AGPAT5: variants seen among roughly 807,000 people sequenced by gnomAD.
AGPAT5 encodes 1-acyl-sn-glycerol-3-phosphate acyltransferase epsilon.
A neutral mutation model predicts 45.6 loss-of-function variants in AGPAT5; 46 were observed. That is an observed-to-expected ratio of 1.01 (90% CI 0.80 to 1.29). The LOEUF (loss-of-function observed/expected upper bound fraction) is 1.29. Among genes scored for constraint, AGPAT5 ranks in the 50% most tolerant of loss-of-function variants. The pLI is 0.00. For missense variants in AGPAT5, 673 were observed against 450.7 expected, an observed-to-expected ratio of 1.49 and a Z score of -4.47; for synonymous variants, 272 against 167.0, an observed-to-expected ratio of 1.63 and a Z score of -4.85.
intron 4 of AGPAT5, among the ~76,000 whole-genome samples, chr8:6,739,927 C>G (rs1801186804): frequency 6.6e-6 from 1 of 152,018 alleles, no homozygotes; most frequent in Non-Finnish European, 1.5e-5. Context: ...CTTCATCACA[C>G]CTTGTTCTTT....
chr8:6,754,533 G>C (rs1484087545), intron 6 of AGPAT5, among the ~76,000 whole-genome samples: 2 of 152,148 alleles, frequency 1.3e-5, no homozygotes, highest in Non-Finnish European at 2.9e-5. Flanking sequence ...TCAGGCGCCT[G>C]TGAGTGCCCA....
intron 5 of AGPAT5, among the ~76,000 whole-genome samples, chr8:6,747,147 T>C (rs190970452): frequency 3.2e-4 from 48 of 152,294 alleles, no homozygotes; most frequent in African/African-American, 1.2e-3. Flanking sequence ...AATTAATAGG[T>C]AAACAAAATG....
intron 1 of AGPAT5, among the ~76,000 whole-genome samples, chr8:6,711,606 T>C (rs1336495237): frequency 6.6e-6 from 1 of 152,242 alleles, no homozygotes; most frequent in Non-Finnish European, 1.5e-5. Context: ...TACTTTCCTG[T>C]GCTGCCAAAA....
At position 6,747,842 on chromosome 8, in the gene AGPAT5, C is replaced by A. The variant is rs773963046; in HGVS notation, c.745+14C>A. On this transcript the variant is annotated intron_variant, in intron 6 of 7. Transcript: ENST00000285518. ...CGACCATGACGGGTAAGTGTGTTCA[C>A]GCACCTGAAATGCCTGTACACGGTA... The A allele has an allele frequency of 1.2e-6, 2 of 1,613,132 alleles. No homozygotes were observed. Among genetic ancestry groups the A allele is most frequent in the Non-Finnish European group, 1.7e-6 (2 of 1,179,416 alleles).
intron 6 of AGPAT5, among the ~76,000 whole-genome samples, chr8:6,749,240 C>G (rs1225081165): frequency 1.3e-5 from 2 of 152,106 alleles, no homozygotes; most frequent in African/African-American, 4.8e-5. Flanking sequence ...GAGAGAGCAG[C>G]TGTCTACTGC....
intron 6 of AGPAT5, among the ~76,000 whole-genome samples, chr8:6,749,607 A>C (rs73508282): frequency 0.026 from 3,972 of 152,236 alleles, 175 homozygotes; most frequent in African/African-American, 0.091. Context: ...ATATCTTCTT[A>C]TTCTACCATC....
chr8:6,743,095 C>T (rs1393871216), intron 5 of AGPAT5, among the ~76,000 whole-genome samples: 2 of 152,322 alleles, frequency 1.3e-5, no homozygotes, highest in East Asian at 3.9e-4. Flanking sequence ...TCTCCCTAGA[C>T]TTCTGTGGGG....
intron 2 of AGPAT5, among the ~76,000 whole-genome samples, chr8:6,729,278 A>G (rs936061362): frequency 6.6e-6 from 1 of 151,990 alleles, no homozygotes. Flanking sequence ...AATCTGTGGA[A>G]AACTGTCCTC....
chr8:6,738,214 A>C (rs1028874705), intron 4 of AGPAT5, among the ~76,000 whole-genome samples: 4 of 152,120 alleles, frequency 2.6e-5, no homozygotes, highest in African/African-American at 9.7e-5. Context: ...ATTTCTAGCT[A>C]TTGATGTAAA....
At chr8:6,712,260 T>G (rs1286267942) in intron 1 of AGPAT5, among the ~76,000 whole-genome samples, 1 of 152,192 alleles carries the variant, frequency 6.6e-6, no homozygotes, top group Admixed American at 6.5e-5. Flanking sequence ...AGTAGAACAT[T>G]TGATTAACTG....
chr8:6,718,631 T>C (rs923872148), intron 1 of AGPAT5, among the ~76,000 whole-genome samples: 3 of 152,342 alleles, frequency 2.0e-5, no homozygotes, highest in South Asian at 2.1e-4. Flanking sequence ...GATGATTCCA[T>C]GGATAGCCCA....
rs936481534 is a variant in AGPAT5, at chr8:6,747,714, A to G, written c.631A>G (p.Thr211Ala). Residue 211 changes from threonine to alanine, a missense_variant, in exon 6 of 8, where the codon ACT (threonine) becomes GCT (alanine). By Grantham distance (58) the Thr-to-Ala change is moderately conservative (BLOSUM62 0). Transcript: ENST00000285518. Reference protein sequence around the residue: ...KHVLTPRIKATHVAFDCMKNY... With the variant: ...KHVLTPRIKAAHVAFDCMKNY... ...TGTGCTAACACCACGAATAAAGGCA[A>G]CTCACGTTGCTTTTGATTGCATGAA... 3.1e-6 allele frequency: 5 copies of G among 1,614,206 alleles called. No homozygotes were observed. Among genetic ancestry groups the G allele is most frequent in the African/African-American group, 2.7e-5 (2 of 75,052 alleles).
chr8:6,718,439 A>G (rs919692295), intron 1 of AGPAT5, among the ~76,000 whole-genome samples: 3 of 152,228 alleles, frequency 2.0e-5, no homozygotes, highest in Non-Finnish European at 4.4e-5. Context: ...CCCACAGTCT[A>G]CAACGTACGA....
chr8:6,730,655 A>G, intron 2 of AGPAT5, 56 bp from the exon 3 acceptor site: 1 of 1,112,346 alleles, frequency 9.0e-7, no homozygotes, highest in East Asian at 2.4e-5. Flanking sequence ...AAGCCCATTC[A>G]TAGTACAACC....
At chr8:6,755,232 G>A in intron 7 of AGPAT5, 58 bp downstream of exon 7, 1 of 1,541,412 alleles carries the variant, frequency 6.5e-7, no homozygotes, top group South Asian at 1.2e-5. Context: ...TTTCAGTATA[G>A]TCAACAATTT....
chr8:6,718,411 A>G (rs2116863938), intron 1 of AGPAT5, among the ~76,000 whole-genome samples: 1 of 152,294 alleles, frequency 6.6e-6, no homozygotes, highest in South Asian at 2.1e-4. Context: ...TCACATTTCC[A>G]ATTTCCTGCT....
At chr8:6,749,548 G>A (rs529563406) in intron 6 of AGPAT5, among the ~76,000 whole-genome samples, 50 of 152,232 alleles carry the variant, frequency 3.3e-4, no homozygotes, top group Admixed American at 6.5e-4. Flanking sequence ...CCTTCCTAGC[G>A]ATAACCAGTT....
intron 1 of AGPAT5, among the ~76,000 whole-genome samples, chr8:6,715,587 C>T (rs1052830705): frequency 5.3e-5 from 8 of 152,190 alleles, no homozygotes; most frequent in East Asian, 1.9e-4. Context: ...CCATGGTTCA[C>T]ATCTGTAGTA....
At chr8:6,741,799 A>G (rs1801253827) in intron 5 of AGPAT5, 48 bp downstream of exon 5, 2 of 1,438,356 alleles carry the variant, frequency 1.4e-6, no homozygotes, top group Admixed American at 1.8e-5. Context: ...AAAGATAATA[A>G]CATTTTTAGT....
Sources: gnomAD v4.1 joint callset for allele counts (sites outside exome capture counted in the v4.1 genomes callset) on GRCh38, gnomAD v4.1.1 for gene constraint, MANE v1.5 for transcripts, NCBI Gene and HGNC (gene_info 2026-07-23, HGNC 2026-07-21) for gene names.